CAMTA1: variants seen among roughly 807,000 people sequenced by gnomAD.
CAMTA1 encodes calmodulin binding transcription activator 1.
Under a neutral mutation model 170.9 loss-of-function variants are expected in CAMTA1, and 27 were observed. The observed-to-expected ratio is 0.16, with a 90% CI of 0.12 to 0.22. CAMTA1 has a LOEUF of 0.22. Among genes scored for constraint, CAMTA1 ranks in the 10% least tolerant of loss-of-function variants. The probability of loss-of-function intolerance (pLI) is 1.00; values close to 1 mark genes in which losing one functional copy is unlikely to be tolerated. For synonymous variants in CAMTA1, 833 were observed against 891.5 expected, an observed-to-expected ratio of 0.93 and a Z score of 1.17; for missense variants, 1,619 against 2,217.2, an observed-to-expected ratio of 0.73 and a Z score of 5.42.
rs2095979683 is a variant in CAMTA1, at chr1:7,663,630, C to T, written c.1083C>T (p.Ser361=). Residue 361 remains serine (S), a synonymous_variant, in exon 9 of 23, where the codon TCC becomes TCT. Transcript: ENST00000303635. ...ACACCACCCAGAGCTCCCCTGTGTC[C>T]ATCAGCAGCGGGCTCAACAGCGACC... ...VPDTTQSSPV[S]ISSGLNSDPD... The T allele has an allele frequency of 6.2e-7, 1 of 1,614,070 alleles. No individual in the cohort carries two copies. Among genetic ancestry groups the T allele is most frequent in the African/African-American group, 1.3e-5 (1 of 74,942 alleles).
At chr1:7,726,757 G>A (rs945890825) in intron 11 of CAMTA1, among the ~76,000 whole-genome samples, 5 of 152,302 alleles carry the variant, frequency 3.3e-5, no homozygotes, top group African/African-American at 7.2e-5. Context: ...CTTCCGGTGC[G>A]ACGGATATAG....
intron 4 of CAMTA1, among the ~76,000 whole-genome samples, chr1:7,116,615 TCTTG>T (rs1644342017): frequency 6.6e-6 from 1 of 151,986 alleles, no homozygotes; most frequent in Non-Finnish European, 1.5e-5. Flanking sequence ...TCACTTTGAG[TCTTG>T]CTAAGTATTT....
rs140005673 is a variant in CAMTA1, at chr1:7,224,946, C to T, written c.303-24545C>T. Among the ~76,000 whole-genome samples the T allele has an allele frequency of 2.0e-5, 3 of 152,206 alleles. No individual in the cohort carries two copies. Among genetic ancestry groups the T allele is most frequent in the Non-Finnish European group, 2.9e-5 (2 of 68,032 alleles). ...GCCGCAGCCAGCAGATGGCAGAAAG[C>T]GCCTTGACCCCATCGTCTAGTGTCT... On this transcript the variant is annotated intron_variant, in intron 4 of 22. Coordinates refer to ENST00000303635, the MANE Select transcript of CAMTA1 (RefSeq NM_015215.4). This position sits in a 1 kb window ranked among gnomAD's most constrained non-coding sequence, Gnocchi z 5.2.
chr1:7,207,999 C>T (rs1022980883), intron 4 of CAMTA1, among the ~76,000 whole-genome samples: 30 of 152,208 alleles, frequency 2.0e-4, no homozygotes, highest in Admixed American at 1.8e-3. Context: ...TAAAATGCCA[C>T]GTCATCTACT....
chr1:7,474,932 G>A (rs1247113408), intron 6 of CAMTA1, among the ~76,000 whole-genome samples: 1 of 152,184 alleles, frequency 6.6e-6, no homozygotes, highest in African/African-American at 2.4e-5. Context: ...TGAGCTGTGA[G>A]CTCGGTCATG....
chr1:7,267,856 C>T (rs2149386539), intron 5 of CAMTA1, among the ~76,000 whole-genome samples: 1 of 152,246 alleles, frequency 6.6e-6, no homozygotes, highest in South Asian at 2.1e-4. Flanking sequence ...AGTGAGGAAG[C>T]CAGCTGAGCA....
At chr1:7,349,135 C>T (rs1188968528) in intron 5 of CAMTA1, among the ~76,000 whole-genome samples, 1 of 152,162 alleles carries the variant, frequency 6.6e-6, no homozygotes, top group Non-Finnish European at 1.5e-5. Flanking sequence ...AAAGTCATTC[C>T]CGTTCTCCTC....
intron 5 of CAMTA1, among the ~76,000 whole-genome samples, chr1:7,310,600 TTTTCTTTC>T (rs372673213): frequency 3.7e-5 from 2 of 54,550 alleles, no homozygotes; most frequent in Non-Finnish European, 6.4e-5. Flanking sequence ...TTTTCTTTTC[TTTTCTTTC>T]TTTCTTTCTT....
At chr1:6,943,671 C>A (rs891015901) in intron 3 of CAMTA1, among the ~76,000 whole-genome samples, 2 of 151,644 alleles carry the variant, frequency 1.3e-5, no homozygotes, top group Non-Finnish European at 2.9e-5. Context: ...CATGGTGAAA[C>A]CCCCGTCTCT....
chr1:7,354,306 G>A (rs148839491), intron 5 of CAMTA1, among the ~76,000 whole-genome samples: 5,109 of 152,058 alleles, frequency 0.034, 122 homozygotes, highest in Non-Finnish European at 0.046. Context: ...CTGCCACCGC[G>A]CCCGGCTAAT....
intron 19 of CAMTA1, 130 bp downstream of exon 19, chr1:7,747,911 T>A (rs1036955496): frequency 1.8e-6 from 1 of 561,398 alleles, no homozygotes; most frequent in Non-Finnish European, 3.0e-6. Context: ...TGGTTGTTTT[T>A]TTTTTTTTAT....
intron 4 of CAMTA1, among the ~76,000 whole-genome samples, chr1:7,151,855 C>A (rs536388716): frequency 1.5e-4 from 23 of 152,294 alleles, no homozygotes; most frequent in African/African-American, 5.5e-4. Flanking sequence ...TTCTCTTCAG[C>A]CAGCTCTGAT....
At chr1:7,657,071 G>A (rs534878759) in intron 7 of CAMTA1, among the ~76,000 whole-genome samples, 3 of 152,330 alleles carry the variant, frequency 2.0e-5, no homozygotes, top group Admixed American at 6.5e-5. Flanking sequence ...AGGGCTTCTC[G>A]GGTAGCTGTA....
chr1:7,667,425 C>T (rs1374459158), intron 9 of CAMTA1, among the ~76,000 whole-genome samples: 2 of 152,180 alleles, frequency 1.3e-5, no homozygotes, highest in African/African-American at 2.4e-5. Flanking sequence ...GGCTCAGTTT[C>T]CTTACGTGTA....
At chr1:7,348,323 T>C (rs2084378218) in intron 5 of CAMTA1, among the ~76,000 whole-genome samples, 1 of 152,212 alleles carries the variant, frequency 6.6e-6, no homozygotes, top group Non-Finnish European at 1.5e-5. Flanking sequence ...CCCATGCCCA[T>C]GCTGTTTCCC....
chr1:6,830,068 G>A (rs571929724), intron 3 of CAMTA1, among the ~76,000 whole-genome samples: 20 of 148,768 alleles, frequency 1.3e-4, no homozygotes, highest in Non-Finnish European at 2.1e-4. Flanking sequence ...ACGGAGTCTC[G>A]CTCTGTCGCC....
At position 7,482,123 on chromosome 1, in the gene CAMTA1, T is replaced by G. The variant is rs2093548706; in HGVS notation, c.510+14222T>G. Among the ~76,000 whole-genome samples the G allele has an allele frequency of 6.6e-6, 1 of 152,182 alleles. No individual in the cohort carries two copies. The highest frequency in any genetic ancestry group is 6.5e-5 in the Admixed American group (1 of 15,278). On this transcript the variant is annotated intron_variant, in intron 6 of 22. Transcript: ENST00000303635. The surrounding 1 kb of genome is among the most constrained non-coding windows in gnomAD (Gnocchi z 4.2). ...ACTTGGCTTCTTTCACTCCACATCG[T>G]ATTTTGCCATTCATCATGTTGCTAC...
Position 7,050,079 on chromosome 1 carries a change from G to A in CAMTA1, c.235-41225G>A, listed in dbSNP as rs1380039002. Among the ~76,000 whole-genome samples the A allele has an allele frequency of 6.6e-6, 1 of 152,226 alleles. No homozygotes were observed. The highest frequency in any genetic ancestry group is 1.5e-5 in the Non-Finnish European group (1 of 68,030). The stretch of plus-strand genomic sequence containing the variant: ...TGCAAGCGCGGTGTCCTTGGGGCGG[G>A]ATTGCACTGGGAGTGTTTGAAGGTC... On this transcript the variant is annotated intron_variant, in intron 3 of 22. Coordinates refer to ENST00000303635, the MANE Select transcript of CAMTA1 (RefSeq NM_015215.4). The surrounding 1 kb of genome is among the most constrained non-coding windows in gnomAD (Gnocchi z 4.8).
chr1:7,691,769 G>C (rs191084676), intron 11 of CAMTA1, among the ~76,000 whole-genome samples: 2 of 152,304 alleles, frequency 1.3e-5, no homozygotes, highest in East Asian at 3.9e-4. Flanking sequence ...AGAAAGAGAA[G>C]TCTGAAATGT....
Sources: allele counts gnomAD v4.1 joint callset (sites outside exome capture counted in the v4.1 genomes callset), GRCh38; gene constraint gnomAD v4.1.1; non-coding constraint Gnocchi (gnomAD v3.1); transcripts MANE v1.5; gene names NCBI Gene and HGNC (gene_info 2026-07-23, HGNC 2026-07-21).